CCDC18: variants seen among roughly 807,000 people sequenced by gnomAD.
CCDC18 encodes coiled-coil domain-containing protein 18.
In CCDC18, 157 loss-of-function variants were observed where a neutral mutation model predicts 196.0. The observed-to-expected ratio is 0.80, with a 90% confidence interval of 0.70 to 0.91. CCDC18 has a LOEUF of 0.91. Ranked by LOEUF, CCDC18 falls within the 40% of genes least tolerant of loss-of-function variation. The probability of loss-of-function intolerance (pLI) is 0.00; values close to 1 mark genes in which losing one functional copy is unlikely to be tolerated. For missense variants in CCDC18, 1,465 were observed against 1,611.6 expected, an observed-to-expected ratio of 0.91 and a Z score of 1.56; for synonymous variants, 482 against 529.2, an observed-to-expected ratio of 0.91 and a Z score of 1.22.
chr1:93,189,896 G>T (rs1557600927), intron 4 of CCDC18, among the ~76,000 whole-genome samples: 1 of 152,094 alleles, frequency 6.6e-6, no homozygotes, highest in Non-Finnish European at 1.5e-5. Flanking sequence ...TGAACTCCTG[G>T]ACTCAAGCGA....
intron 19 of CCDC18, among the ~76,000 whole-genome samples, chr1:93,236,798 A>C (rs1660127941): frequency 6.6e-6 from 1 of 152,222 alleles, no homozygotes; most frequent in African/African-American, 2.4e-5. Flanking sequence ...GACAATATAA[A>C]AGTGGTTCTC....
At chr1:93,266,659 TAAACA>T (rs1405481003) in intron 27 of CCDC18, among the ~76,000 whole-genome samples, 2 of 152,076 alleles carry the variant, frequency 1.3e-5, no homozygotes, top group African/African-American at 4.8e-5. Context: ...GAGAATACTA[TAAACA>T]CCTCTACACA....
chr1:93,186,490 A>G lies in CCDC18; in HGVS notation c.449A>G (p.Gln150Arg). 1 of 1,600,436 alleles carries G rather than the reference A, an allele frequency of 6.2e-7. No individual in the cohort carries two copies. The highest frequency in any genetic ancestry group is 8.5e-7 in the Non-Finnish European group (1 of 1,173,558). ...GAATCTATTCACTTTGAATTAACAC[A>G]GTCAAGAGCAAAAGTATGTATCTTG... ...KFESIHFELT[Q>R]SRAKVSMLES... Residue 150 changes from glutamine (Q) to arginine (R), a missense_variant, in exon 4 of 29, where the codon CAG becomes CGG. Physicochemically the swap from Gln to Arg is conservative, Grantham distance 43. Coordinates refer to ENST00000690025, the MANE Select transcript of CCDC18 (RefSeq NM_001378204.1).
intron 16 of CCDC18, among the ~76,000 whole-genome samples, chr1:93,222,667 C>G (rs1328221638): frequency 6.6e-6 from 1 of 152,228 alleles, no homozygotes; most frequent in African/African-American, 2.4e-5. Flanking sequence ...ACTCTTTGAA[C>G]TTTAATTTCT....
chr1:93,181,854 A>C (rs934383574), intron 1 of CCDC18, among the ~76,000 whole-genome samples: 8 of 152,232 alleles, frequency 5.3e-5, no homozygotes, highest in African/African-American at 1.9e-4. Flanking sequence ...TGACCTCGTG[A>C]TCCACCCGCC....
At chr1:93,272,455 A>G in intron 28 of CCDC18, among the ~76,000 whole-genome samples, 1 of 152,186 alleles carries the variant, frequency 6.6e-6, no homozygotes, top group East Asian at 1.9e-4. Context: ...GAAGTTAAAG[A>G]TTCAGTAAAG....
chr1:93,273,857 C>T (rs185015042), intron 28 of CCDC18, among the ~76,000 whole-genome samples: 2 of 152,222 alleles, frequency 1.3e-5, no homozygotes, highest in East Asian at 3.9e-4. Context: ...GTATGTCAAG[C>T]AAATCCTTTA....
At chr1:93,215,811 TAAACAACTGCATGTAAACCTG>T (rs919686626) in intron 12 of CCDC18, among the ~76,000 whole-genome samples, 24 of 152,324 alleles carry the variant, frequency 1.6e-4, no homozygotes, top group African/African-American at 5.8e-4. Flanking sequence ...TCTGTATTTT[TAAACAACTGCATGTAAACCTG>T]AAACAACTAC....
chr1:93,228,887 G>A (rs1392294556), intron 17 of CCDC18, among the ~76,000 whole-genome samples: 2 of 152,006 alleles, frequency 1.3e-5, no homozygotes, highest in Non-Finnish European at 2.9e-5. Flanking sequence ...GACTAGGGTG[G>A]ATAACAGATA....
At chr1:93,245,749 CTT>C (rs917411648) in intron 21 of CCDC18, among the ~76,000 whole-genome samples, 6 of 151,958 alleles carry the variant, frequency 3.9e-5, no homozygotes, top group African/African-American at 1.4e-4. Flanking sequence ...ATGTAAAAGA[CTT>C]TGAAACACTC....
At chr1:93,254,390 G>C in intron 23 of CCDC18, 81 bp from the exon 24 acceptor site, 1 of 1,094,564 alleles carries the variant, frequency 9.1e-7, no homozygotes, top group East Asian at 2.5e-5. Flanking sequence ...AGTGTTTAAA[G>C]CTTGACTTAC....
chr1:93,274,895 T>C (rs1302582812), intron 28 of CCDC18, among the ~76,000 whole-genome samples: 1 of 152,216 alleles, frequency 6.6e-6, no homozygotes, highest in Non-Finnish European at 1.5e-5. Context: ...ATCAAAGTTA[T>C]ATTCTGTATA....
intron 23 of CCDC18, among the ~76,000 whole-genome samples, chr1:93,248,637 C>T (rs985578624): frequency 3.9e-5 from 6 of 151,976 alleles, no homozygotes; most frequent in Non-Finnish European, 4.4e-5. Flanking sequence ...TCTGTTATGT[C>T]CTTGTCCGGT....
chr1:93,271,521 T>A (rs1168148523), intron 28 of CCDC18: 2 of 985,328 alleles, frequency 2.0e-6, no homozygotes, highest in Non-Finnish European at 2.4e-6. Flanking sequence ...CTTCCTTTCA[T>A]TTCCAGACAT....
At chr1:93,218,536 G>A (rs1021850083) in intron 14 of CCDC18, among the ~76,000 whole-genome samples, 4 of 151,704 alleles carry the variant, frequency 2.6e-5, no homozygotes, top group Non-Finnish European at 5.9e-5. Flanking sequence ...TTGAGATAGA[G>A]TCTCGCTCTG....
intron 21 of CCDC18, among the ~76,000 whole-genome samples, chr1:93,242,939 A>G (rs1300028599): frequency 1.3e-5 from 2 of 152,222 alleles, no homozygotes; most frequent in Non-Finnish European, 2.9e-5. Flanking sequence ...TGTAGGCTAT[A>G]GCCTTTCTCC....
At chr1:93,193,770 G>A in intron 6 of CCDC18, 26 bp downstream of exon 6, 1 of 1,513,772 alleles carries the variant, frequency 6.6e-7, no homozygotes, top group Non-Finnish European at 8.8e-7. Flanking sequence ...GCAAATACAT[G>A]TTTTTGAAAG....
intron 28 of CCDC18, among the ~76,000 whole-genome samples, chr1:93,277,795 T>C (rs889314736): frequency 6.6e-6 from 1 of 152,250 alleles, no homozygotes. Context: ...TCTTTTAATC[T>C]TCCTTTTTCA....
intron 9 of CCDC18, among the ~76,000 whole-genome samples, chr1:93,207,862 C>T (rs2101931714): frequency 6.6e-6 from 1 of 152,322 alleles, no homozygotes; most frequent in East Asian, 1.9e-4. Flanking sequence ...CTTTTCTGGA[C>T]ATTTCACATA....
Sources: allele counts gnomAD v4.1 joint callset (sites outside exome capture counted in the v4.1 genomes callset), GRCh38; gene constraint gnomAD v4.1.1; transcripts MANE v1.5; gene names NCBI Gene and HGNC (gene_info 2026-07-23, HGNC 2026-07-21).